The following PTPRO variants were observed in gnomAD, a reference collection of about 807,000 sequenced individuals.
The protein encoded by PTPRO is receptor-type tyrosine-protein phosphatase O.
A neutral mutation model predicts 145.2 loss-of-function variants in PTPRO; 62 were observed. That is an observed-to-expected ratio of 0.43 (90% CI 0.35 to 0.53). PTPRO has a LOEUF of 0.53. Ranked by LOEUF, PTPRO falls within the 20% of genes least tolerant of loss-of-function variation. PTPRO has a pLI of 0.01. For synonymous variants in PTPRO, 565 were observed against 514.7 expected (o/e 1.10, Z -1.32); for missense variants, 1,345 against 1,482.7 (o/e 0.91, Z 1.53).
intron 23 of PTPRO, among the ~76,000 whole-genome samples, chr12:15,586,105 T>C (rs1176254139): frequency 6.6e-6 from 1 of 152,194 alleles, no homozygotes; most frequent in Non-Finnish European, 1.5e-5. Flanking sequence ...GTTATAAGTA[T>C]CATTAGGCCA....
intron 1 of PTPRO, among the ~76,000 whole-genome samples, chr12:15,467,017 A>G (rs759389198): frequency 2.0e-5 from 3 of 152,222 alleles, no homozygotes; most frequent in South Asian, 2.1e-4. Context: ...GTATTACTTA[A>G]TCTTTCAGAG....
intron 13 of PTPRO, 137 bp downstream of exon 13, chr12:15,546,845 A>G (rs1019842690): frequency 4.3e-5 from 55 of 1,284,144 alleles, no homozygotes; most frequent in East Asian, 4.3e-4. Context: ...TCACTGATAG[A>G]AATTAACAGC....
intron 16 of PTPRO, among the ~76,000 whole-genome samples, 173 bp downstream of exon 16, chr12:15,557,696 C>T (rs1943671993): frequency 6.6e-6 from 1 of 152,108 alleles, no homozygotes; most frequent in South Asian, 2.1e-4. Context: ...TATATAAGCT[C>T]AGTGCAGTTC....
intron 2 of PTPRO, among the ~76,000 whole-genome samples, chr12:15,486,826 TTAA>T (rs1156474259): frequency 6.6e-6 from 1 of 151,294 alleles, no homozygotes; most frequent in African/African-American, 2.4e-5. Context: ...TATGTAATTA[TTAA>T]TATTTATTAT....
At chr12:15,348,827 A>G (rs754695072) in intron 1 of PTPRO, among the ~76,000 whole-genome samples, 8 of 151,858 alleles carry the variant, frequency 5.3e-5, no homozygotes, top group Non-Finnish European at 8.8e-5. Context: ...AAGGAACACA[A>G]CTCTTCTTCT....
intron 1 of PTPRO, among the ~76,000 whole-genome samples, chr12:15,461,476 T>C (rs1394069358): frequency 1.3e-5 from 2 of 151,884 alleles, no homozygotes; most frequent in African/African-American, 4.8e-5. Context: ...TCTCTTTGAA[T>C]ATTTTACAGA....
chr12:15,476,811 A>T (rs1179874087), intron 1 of PTPRO, among the ~76,000 whole-genome samples: 2 of 147,020 alleles, frequency 1.4e-5, no homozygotes, highest in African/African-American at 2.5e-5. Context: ...ATATCATCTC[A>T]CACCAGTTAG....
intron 15 of PTPRO, among the ~76,000 whole-genome samples, chr12:15,553,016 T>C (rs1943511920): frequency 6.6e-6 from 1 of 151,986 alleles, no homozygotes; most frequent in Middle Eastern, 3.2e-3. Flanking sequence ...GCCAGGCTTG[T>C]CTCGAACTCC....
In PTPRO at chr12:15,400,122, C is replaced by G. The variant is rs1400774976; in HGVS notation, c.75+77321C>G. On this transcript the variant is annotated intron_variant, in intron 1 of 26. Coordinates refer to ENST00000281171, the MANE Select transcript of PTPRO (RefSeq NM_030667.3). ...TCTCCTGCCTCAGCCTCCTGAGTAG[C>G]TGGGATTACAGACATGCGCCACCAC... Among the ~76,000 whole-genome samples, 3 of 149,574 alleles carry G rather than the reference C, an allele frequency of 2.0e-5. No homozygotes were observed. In the East Asian group the frequency reaches 6.1e-4, roughly 30 times the overall value.
intron 1 of PTPRO, among the ~76,000 whole-genome samples, chr12:15,395,019 C>T (rs1484175967): frequency 1.3e-5 from 2 of 151,956 alleles, no homozygotes; most frequent in African/African-American, 4.8e-5. Context: ...GAAGAGAGAT[C>T]AGAACAGAGA....
intron 1 of PTPRO, among the ~76,000 whole-genome samples, chr12:15,378,830 C>T (rs970827756): frequency 1.4e-4 from 22 of 152,198 alleles, no homozygotes; most frequent in African/African-American, 4.1e-4. Context: ...ATGTAAAAGA[C>T]TTAATAACTC....
intron 7 of PTPRO, among the ~76,000 whole-genome samples, chr12:15,513,892 A>C (rs950398964): frequency 6.6e-6 from 1 of 152,230 alleles, no homozygotes; most frequent in African/African-American, 2.4e-5. Context: ...TTAAATTATA[A>C]AGCATAAATA....
chr12:15,443,584 T>G (rs1591816850), intron 1 of PTPRO, among the ~76,000 whole-genome samples: 1 of 152,178 alleles, frequency 6.6e-6, no homozygotes, highest in East Asian at 1.9e-4. Context: ...GGAGAAAATG[T>G]TCACAAACTG....
chr12:15,484,242 T>C lies in PTPRO; in HGVS notation c.344T>C (p.Leu115Ser). The change falls in exon 2 of 27, where the codon TTA becomes TCA. Residue 115 changes from leucine to serine, a missense_variant. Leu to Ser is a moderately radical substitution (Grantham distance 145). Around this residue, in one of 3 missense-constraint regions of PTPRO, gnomAD observed 1,130 missense variants for 1,214.7 expected, o/e 0.93. Transcript: ENST00000281171. ...AAGCCATCCAGATCAATCACTGTGT[T>C]AACAAGTAAGCATCATGTGTAATAT... ...VTKPSRSITVLTKPLPVTSVS... is the reference protein window; with the variant it reads ...VTKPSRSITVSTKPLPVTSVS... 6.2e-7 allele frequency: 1 copy of C among 1,613,380 alleles called. No individual in the cohort carries two copies. Among genetic ancestry groups the C allele is most frequent in the South Asian group, 1.1e-5 (1 of 91,066 alleles).
At chr12:15,362,794 A>G (rs1188723781) in intron 1 of PTPRO, among the ~76,000 whole-genome samples, 5 of 152,196 alleles carry the variant, frequency 3.3e-5, no homozygotes, top group Non-Finnish European at 5.9e-5. Context: ...ATATTATAGT[A>G]TGCATATTCA....
At chr12:15,424,910 A>T (rs1332709878) in intron 1 of PTPRO, among the ~76,000 whole-genome samples, 1 of 152,108 alleles carries the variant, frequency 6.6e-6, no homozygotes, top group Non-Finnish European at 1.5e-5. Flanking sequence ...CTCCCATCTC[A>T]TCTGGGAGAA....
chr12:15,551,998 C>T (rs1943474229), intron 15 of PTPRO, among the ~76,000 whole-genome samples: 1 of 135,840 alleles, frequency 7.4e-6, no homozygotes, highest in South Asian at 2.2e-4. Flanking sequence ...ATATCTATGA[C>T]AGTTCAGTAT....
intron 1 of PTPRO, among the ~76,000 whole-genome samples, chr12:15,414,959 G>C (rs1266324491): frequency 6.6e-6 from 1 of 152,168 alleles, no homozygotes; most frequent in Non-Finnish European, 1.5e-5. Context: ...TGGAGAATGT[G>C]AGAACAATAC....
chr12:15,557,681 T>C lies in PTPRO; in HGVS notation c.2627+158T>C, dbSNP rs1477782170. On this transcript the variant is annotated intron_variant, in intron 16 of 26. Coordinates refer to ENST00000281171, the MANE Select transcript of PTPRO (RefSeq NM_030667.3). Reference sequence around the variant, plus strand: ...ATGGCTAGATCTTCACAGAATATAATGGTTTATATAAGCTCAGTGCAGTTC... The same window carrying C: ...ATGGCTAGATCTTCACAGAATATAACGGTTTATATAAGCTCAGTGCAGTTC... Among the ~76,000 whole-genome samples the C allele has an allele frequency of 2.0e-5, 3 of 152,232 alleles. 1 individual carries two copies. The highest frequency in any genetic ancestry group is 2.9e-5 in the Non-Finnish European group (2 of 68,032).
Sources: allele counts gnomAD v4.1 joint callset (sites outside exome capture counted in the v4.1 genomes callset), GRCh38; gene constraint gnomAD v4.1.1; regional missense constraint gnomAD v4.1.1; transcripts MANE v1.5; gene names NCBI Gene and HGNC (gene_info 2026-07-23, HGNC 2026-07-21).